The following VSX1 variants were observed in gnomAD, a reference collection of about 807,000 sequenced individuals.
VSX1 encodes visual system homeobox 1.
A neutral mutation model predicts 23.6 loss-of-function variants in VSX1; 23 were observed. The observed-to-expected ratio is 0.97, with a 90% CI of 0.70 to 1.38. The LOEUF is 1.38. VSX1 is among the 40% of genes most tolerant of loss of function. The pLI, the probability that VSX1 is intolerant of heterozygous loss-of-function variation, is 0.00. For missense variants in VSX1, 517 were observed against 495.4 expected (o/e 1.04, Z -0.41); for synonymous variants, 247 against 215.1 (o/e 1.15, Z -1.30).
intron 1 of VSX1, chr20:25,081,301 C>A: frequency 2.1e-6 from 1 of 477,322 alleles, no homozygotes; most frequent in Non-Finnish European, 4.0e-6. Flanking sequence ...ACCACAGGCC[C>A]GGGCCTTCCC....
Position 25,076,279 on chromosome 20 carries a change from C to G in VSX1, c.1080G>C (p.Gly360=), listed in dbSNP as rs1422508141. 4 of 1,614,214 alleles carry G rather than the reference C, an allele frequency of 2.5e-6. No homozygotes were observed. Among genetic ancestry groups the G allele is most frequent in the Non-Finnish European group, 3.4e-6 (4 of 1,180,052 alleles). Residue 360 remains glycine (G), a synonymous_variant, in exon 5 of 5, where the codon GGG becomes GGC. Transcript: ENST00000376709. The part of the protein sequence containing the change: ...NSTALEGPQP[G]KVGAT ...GTGGGTCTCATGTGGCTCCCACCTT[C>G]CCTGGCTGGGGCCCCTCCAGTGCCG...
chr20:25,075,905 A>G lies in VSX1; in HGVS notation c.*356T>C, dbSNP rs552924788. ...TCCTAATTGAGAATGAGGACATCAG[A>G]CCTAACCTATTCATCTATACAGTAC... On this transcript the variant is annotated 3_prime_UTR_variant, in exon 5 of 5. Transcript: ENST00000376709. 3.9e-5 allele frequency: 12 copies of G among 305,710 alleles called. No homozygotes were observed. In the Admixed American group the frequency reaches 5.2e-4, roughly 13 times the overall value. The allele number at this position is 305,710 out of a possible 1,614,324, so 18.9% of individuals were successfully genotyped here. A position where few individuals can be genotyped will look rare whatever the true frequency, so the allele number is the denominator to read the frequency against.
At chr20:25,076,629 G>A (rs1238165987) in intron 4 of VSX1, 79 bp from the exon 5 acceptor site, 3 of 1,468,034 alleles carry the variant, frequency 2.0e-6, no homozygotes, top group Non-Finnish European at 2.7e-6. Context: ...CCTTCTTATT[G>A]TTCTCTAAAT....
In VSX1 at chr20:25,076,373, G is replaced by C. The variant is rs1432973336; in HGVS notation, c.986C>G (p.Ser329Cys). The C allele has an allele frequency of 6.2e-7, 1 of 1,614,120 alleles. No homozygotes were observed. Among genetic ancestry groups the C allele is most frequent in the East Asian group, 2.2e-5 (1 of 44,854 alleles). Residue 329 changes from serine (S) to cysteine (C), a missense_variant, in exon 5 of 5, where the codon TCC becomes TGC. Ser to Cys is a moderately radical substitution (Grantham distance 112). Transcript: ENST00000376709. ...CTTGGTCTCCTGCCGGGCAGAGCTG[G>C]AGAGGTCAATAGCCACATCTTCCAA... Reference protein sequence around the residue: ...NGLEDVAIDLSSSARQETKKV... With the variant: ...NGLEDVAIDLCSSARQETKKV...
rs748956053 is a variant in VSX1, at chr20:25,076,224, G to T, written c.*37C>A. The T allele has an allele frequency of 8.7e-6, 14 of 1,612,894 alleles. No homozygotes were observed. The African/African-American group carries it at 1.2e-4, about 14-fold the overall frequency. The stretch of plus-strand genomic sequence containing the variant: ...TTTGGAAAATGCCAGTGAGGAATAT[G>T]CACATTTTCAGCCTTTGACAGTGGG... On this transcript the variant is annotated 3_prime_UTR_variant, in exon 5 of 5. Transcript: ENST00000376709.
downstream of VSX1, chr20:25,071,467 C>T (rs554665574): frequency 2.1e-4 from 96 of 451,700 alleles, no homozygotes; most frequent in South Asian, 1.4e-3. Flanking sequence ...TGAGACCCTG[C>T]CCTAACACTC....
In VSX1 at chr20:25,076,377, G is replaced by A. The variant is rs2089492129; in HGVS notation, c.982C>T (p.Leu328Phe). 1 of 1,614,112 alleles carries A rather than the reference G, an allele frequency of 6.2e-7. No individual in the cohort carries two copies. The highest frequency in any genetic ancestry group is 1.1e-5 in the South Asian group (1 of 91,082). The change falls in exon 5 of 5, where the codon CTC becomes TTC. Residue 328 changes from leucine (L) to phenylalanine (F), a missense_variant. By Grantham distance (22) the Leu-to-Phe change is conservative (BLOSUM62 0). Coordinates refer to ENST00000376709, the MANE Select transcript of VSX1 (RefSeq NM_014588.6). ...ENGLEDVAID[L>F]SSSARQETKK... is the part of the protein sequence containing the mutation. The stretch of plus-strand genomic sequence containing the variant: ...GTCTCCTGCCGGGCAGAGCTGGAGA[G>A]GTCAATAGCCACATCTTCCAAGCCA...
Position 25,076,079 on chromosome 20 carries a change from G to T in VSX1, c.*182C>A. The T allele has an allele frequency of 2.6e-6, 2 of 780,580 alleles. No individual in the cohort carries two copies. Among genetic ancestry groups the T allele is most frequent in the Non-Finnish European group, 4.0e-6 (2 of 494,636 alleles). 48.4% of individuals were successfully genotyped at this position (780,580 alleles called of 1,614,324 possible). On this transcript the variant is annotated 3_prime_UTR_variant, in exon 5 of 5. Transcript: ENST00000376709. ...TAAGGAACCGTTTCCATTCTAGAATGAAATAGAATTTTCCCTAGGTCACTC... is the reference window on the plus strand; with the variant it reads ...TAAGGAACCGTTTCCATTCTAGAATTAAATAGAATTTTCCCTAGGTCACTC...
chr20:25,077,732 T>C lies in VSX1; in HGVS notation c.761A>G (p.Asn254Ser), dbSNP rs1191389922. The C allele has an allele frequency of 2.6e-6, 4 of 1,549,946 alleles. No individual in the cohort carries two copies. The highest frequency in any genetic ancestry group is 2.5e-5 in the East Asian group (1 of 40,814). ...HCIPLPDSVL[N>S]SAEGGLLGSC... Reference sequence around the variant, plus strand: ...GCCCAGCAGGCCGCCCTCGGCGGAGTTGAGCACGGAGTCTGGCAGCGGGAT... The same window carrying C: ...GCCCAGCAGGCCGCCCTCGGCGGAGCTGAGCACGGAGTCTGGCAGCGGGAT... Residue 254 changes from asparagine to serine, a missense_variant, in exon 4 of 5, where the codon AAC (asparagine) becomes AGC (serine). By Grantham distance (46) the Asn-to-Ser change is conservative (BLOSUM62 1). Transcript: ENST00000376709.
At chr20:25,072,391 G>A (rs145348056), downstream of VSX1, 257 of 397,864 alleles carry the variant, frequency 6.5e-4, 1 homozygote, top group African/African-American at 4.7e-3. Context: ...AGTGTCAGCC[G>A]CACCCACTTT....
intron 4 of VSX1, 52 bp downstream of exon 4, chr20:25,077,633 C>T (rs2089528895): frequency 6.5e-7 from 1 of 1,536,850 alleles, no homozygotes; most frequent in Non-Finnish European, 8.7e-7. Flanking sequence ...CCTGGGATTC[C>T]CCCACCTCCT....
chr20:25,077,650 C>T (rs1439323584), intron 4 of VSX1, 35 bp downstream of exon 4: 6 of 1,540,440 alleles, frequency 3.9e-6, no homozygotes, highest in Non-Finnish European at 5.2e-6. Flanking sequence ...TCCTACAACA[C>T]CTCGAGCCGT....
intron 1 of VSX1, among the ~76,000 whole-genome samples, chr20:25,080,462 C>T (rs1049232652): frequency 1.5e-4 from 23 of 152,276 alleles, no homozygotes; most frequent in African/African-American, 5.1e-4. Flanking sequence ...AGTTAGAAGA[C>T]TTAGTGCTCC....
At chr20:25,072,086 G>A, downstream of VSX1, 1 of 606,224 alleles carries the variant, frequency 1.6e-6, no homozygotes, top group Non-Finnish European at 3.0e-6. Context: ...AGAGGGAAAG[G>A]TGGGACTGAG....
rs2089483717 is a variant in VSX1, at chr20:25,076,078, T to C, written c.*183A>G. On this transcript the variant is annotated 3_prime_UTR_variant, in exon 5 of 5. Coordinates refer to ENST00000376709, the MANE Select transcript of VSX1 (RefSeq NM_014588.6). The stretch of plus-strand genomic sequence containing the variant: ...TTAAGGAACCGTTTCCATTCTAGAA[T>C]GAAATAGAATTTTCCCTAGGTCACT... 1.3e-6 allele frequency: 1 copy of C among 773,966 alleles called. No homozygotes were observed. The highest frequency in any genetic ancestry group is 2.0e-6 in the Non-Finnish European group (1 of 489,296). 47.9% of individuals were successfully genotyped at this position (773,966 alleles called of 1,614,324 possible).
downstream of VSX1, among the ~76,000 whole-genome samples, chr20:25,074,621 GC>G (rs1396948806): frequency 6.6e-6 from 1 of 151,656 alleles, no homozygotes; most frequent in Admixed American, 6.6e-5. Flanking sequence ...TTTTTACTCA[GC>G]AAAATTTTGT....
downstream of VSX1, chr20:25,071,438 C>T (rs2089375894): frequency 2.2e-6 from 1 of 453,560 alleles, no homozygotes; most frequent in Non-Finnish European, 4.4e-6. Flanking sequence ...TGCCACTGCA[C>T]TCCAGCCTGG....
At chr20:25,072,822 G>A (rs1263280823), downstream of VSX1, among the ~76,000 whole-genome samples, 2 of 152,174 alleles carry the variant, frequency 1.3e-5, no homozygotes, top group African/African-American at 4.8e-5. Flanking sequence ...CAAGTCCTGA[G>A]ATGCTGCCTC....
intron 3 of VSX1, 174 bp downstream of exon 3, chr20:25,078,655 G>A: frequency 6.4e-7 from 1 of 1,551,222 alleles, no homozygotes; most frequent in Non-Finnish European, 8.7e-7. Context: ...AATGAAAAAA[G>A]GCATGAGGGT....
Sources: allele counts gnomAD v4.1 joint callset (sites outside exome capture counted in the v4.1 genomes callset), GRCh38; gene constraint gnomAD v4.1.1; transcripts MANE v1.5; gene names NCBI Gene and HGNC (gene_info 2026-07-23, HGNC 2026-07-21).